The following PDK1 variants were observed in gnomAD, a reference collection of about 807,000 sequenced individuals.
PDK1 encodes the protein pyruvate dehydrogenase kinase 1.
PDK1 carries 39 observed loss-of-function variants against 54.2 expected under a neutral mutation model. The observed-to-expected ratio is 0.72, with a 90% CI of 0.56 to 0.94. The LOEUF (loss-of-function observed/expected upper bound fraction) is 0.94, where lower values mean the gene tolerates loss of function less well. Ranked by LOEUF, PDK1 falls within the 40% of genes least tolerant of loss-of-function variation. The probability of loss-of-function intolerance (pLI) is 0.00; values close to 1 mark genes in which losing one functional copy is unlikely to be tolerated. For synonymous variants in PDK1, 221 were observed against 207.1 expected, an observed-to-expected ratio of 1.07 and a Z score of -0.58; for missense variants, 552 against 566.0, an observed-to-expected ratio of 0.98 and a Z score of 0.25.
At chr2:172,565,455 C>T (rs1410871126) in intron 5 of PDK1, among the ~76,000 whole-genome samples, 2 of 152,152 alleles carry the variant, frequency 1.3e-5, no homozygotes, top group African/African-American at 4.8e-5. Context: ...AGATGCTCAA[C>T]ACTACGCCTG....
At position 172,606,747 on chromosome 2, in the gene PDK1, A is replaced by C. The variant is rs1383408806; in HGVS notation, c.*10778A>C. ...TTCTTTCCTTTTTTTTTTAAAAAAAAAAAAAAACCTTTTTCATGTTGAAGT... is the reference window on the plus strand; with the variant it reads ...TTCTTTCCTTTTTTTTTTAAAAAAACAAAAAAACCTTTTTCATGTTGAAGT... On this transcript the variant is annotated 3_prime_UTR_variant, in exon 11 of 11. Coordinates refer to ENST00000282077, the MANE Select transcript of PDK1 (RefSeq NM_002610.5). The C allele has an allele frequency of 6.6e-6, 1 of 151,956 alleles. No homozygotes were observed. Among genetic ancestry groups the C allele is most frequent in the East Asian group, 1.9e-4 (1 of 5,166 alleles). 9.4% of individuals were successfully genotyped at this position (151,956 alleles called of 1,614,324 possible).
chr2:172,570,078 A>G (rs948015803), intron 7 of PDK1, among the ~76,000 whole-genome samples: 1 of 152,168 alleles, frequency 6.6e-6, no homozygotes, highest in African/African-American at 2.4e-5. Flanking sequence ...TTGCTGTGCC[A>G]GGGCCACACA....
rs551980925 is a variant in PDK1, at chr2:172,565,097, C to CA, written c.691+31dup. The CA allele has an allele frequency of 3.4e-4, 445 of 1,322,938 alleles. 3 individuals are homozygous for CA. The highest frequency in any genetic ancestry group is 3.7e-4 in the Middle Eastern group (2 of 5,398). 81.9% of individuals were successfully genotyped at this position (1,322,938 alleles called of 1,614,324 possible). A position where few individuals can be genotyped will look rare whatever the true frequency, so the allele number is the denominator to read the frequency against. On this transcript the variant is annotated intron_variant, in intron 5 of 10. Coordinates refer to ENST00000282077, the MANE Select transcript of PDK1 (RefSeq NM_002610.5). Reference sequence around the variant, plus strand: ...AGGTAAATACTGACATTTCTCCTTGCAAAAAAAGATACAAAAATCAAAATT... The same window carrying CA: ...AGGTAAATACTGACATTTCTCCTTGCAAAAAAAAGATACAAAAATCAAAATT...
the PDK1 span, among the ~76,000 whole-genome samples, chr2:172,683,452 G>A: frequency 6.6e-6 from 1 of 152,148 alleles, no homozygotes; most frequent in Non-Finnish European, 1.5e-5. Flanking sequence ...TTCTGGGGAG[G>A]CCTCAGGAAG....
chr2:172,671,087 G>C, the PDK1 span, among the ~76,000 whole-genome samples: 131 of 150,644 alleles, frequency 8.7e-4, no homozygotes, highest in Non-Finnish European at 1.7e-3. Context: ...CCGTGTTTTG[G>C]GTGTCTTTTT....
rs192296251 is a variant in PDK1, at chr2:172,564,345, G to A, written c.411-158G>A. The stretch of plus-strand genomic sequence containing the variant: ...CTTTCATAGATTTGGTATATTTTAT[G>A]ATCTGAAATACATTTAAATAAGTAT... On this transcript the variant is annotated intron_variant, in intron 3 of 10. Transcript: ENST00000282077. 6.4e-3 allele frequency among the ~76,000 whole-genome samples: 980 copies of A among 152,292 alleles called. 8 individuals are homozygous for A. The highest frequency in any genetic ancestry group is 9.0e-3 in the Non-Finnish European group (614 of 68,026).
the PDK1 span, among the ~76,000 whole-genome samples, chr2:172,661,929 T>G: frequency 1.3e-5 from 2 of 152,200 alleles, no homozygotes; most frequent in African/African-American, 2.4e-5. Flanking sequence ...GTAACAAACC[T>G]GCGTTTGTAC....
Position 172,596,265 on chromosome 2 carries a change from A to G in PDK1, c.*296A>G, listed in dbSNP as rs1305813685. 5 of 210,458 alleles carry G rather than the reference A, an allele frequency of 2.4e-5. No homozygotes were observed. Among genetic ancestry groups the G allele is most frequent in the Non-Finnish European group, 3.7e-5 (4 of 108,542 alleles). The allele number at this position is 210,458 out of a possible 1,614,324, so 13.0% of individuals were successfully genotyped here. A position where few individuals can be genotyped will look rare whatever the true frequency, so the allele number is the denominator to read the frequency against. Reference sequence around the variant, plus strand: ...GAAGTGTGGAAATCTTCGGGTTTCTATAGGAAACTAGTTTTTTTTTTTTAA... The same window carrying G: ...GAAGTGTGGAAATCTTCGGGTTTCTGTAGGAAACTAGTTTTTTTTTTTTAA... On this transcript the variant is annotated 3_prime_UTR_variant, in exon 11 of 11. Coordinates refer to ENST00000282077, the MANE Select transcript of PDK1 (RefSeq NM_002610.5).
the PDK1 span, among the ~76,000 whole-genome samples, chr2:172,695,482 C>G: frequency 6.6e-6 from 1 of 152,166 alleles, no homozygotes; most frequent in South Asian, 2.1e-4. Context: ...AATAAATTAC[C>G]TGTGGTGGAC....
chr2:172,714,920 G>A, the PDK1 span, among the ~76,000 whole-genome samples: 3 of 152,050 alleles, frequency 2.0e-5, no homozygotes, highest in South Asian at 2.1e-4. Flanking sequence ...AAACCGATAA[G>A]AGCAAACAGA....
chr2:172,708,089 T>TCCA, the PDK1 span, among the ~76,000 whole-genome samples: 1 of 151,914 alleles, frequency 6.6e-6, no homozygotes, highest in Non-Finnish European at 1.5e-5. Context: ...ATTGCTTGAG[T>TCCA]CCAGGAGTTC....
At chr2:172,686,161 T>G in the PDK1 span, among the ~76,000 whole-genome samples, 1 of 152,216 alleles carries the variant, frequency 6.6e-6, no homozygotes, top group Non-Finnish European at 1.5e-5. Flanking sequence ...TAGTAAAGTC[T>G]CTCAAAGGAT....
the PDK1 span, among the ~76,000 whole-genome samples, chr2:172,658,006 A>G: frequency 6.6e-6 from 1 of 152,156 alleles, no homozygotes; most frequent in Admixed American, 6.5e-5. Flanking sequence ...GAAGCAAGAG[A>G]GAAGGGGAAA....
the PDK1 span, among the ~76,000 whole-genome samples, chr2:172,689,469 T>C: frequency 6.6e-6 from 1 of 152,184 alleles, no homozygotes; most frequent in Non-Finnish European, 1.5e-5. Context: ...AAGCTACCAA[T>C]GACTTTCTTC....
the PDK1 span, among the ~76,000 whole-genome samples, chr2:172,665,154 G>GTTTTTTTTTTTTTTTTTT: frequency 6.7e-6 from 1 of 149,366 alleles, no homozygotes; most frequent in Non-Finnish European, 1.5e-5. Context: ...GCCAAAGAAT[G>GTTTTTTTTTTTTTTTTTT]TTTTTTTTTT....
the PDK1 span, among the ~76,000 whole-genome samples, chr2:172,660,243 C>CTGTTTT: frequency 2.9e-5 from 1 of 34,190 alleles, no homozygotes. Context: ...CTCTCTCTCT[C>CTGTTTT]TCTCTTTTTT....
the PDK1 span, among the ~76,000 whole-genome samples, chr2:172,669,290 G>A: frequency 4.0e-5 from 6 of 151,552 alleles, no homozygotes; most frequent in East Asian, 3.9e-4. Flanking sequence ...CCTGTGATCC[G>A]CCCGCCTTGG....
the PDK1 span, among the ~76,000 whole-genome samples, chr2:172,652,709 C>T: frequency 1.7e-3 from 256 of 152,276 alleles, no homozygotes; most frequent in African/African-American, 5.8e-3. Flanking sequence ...TGAGTGAACT[C>T]CTATTCACAA....
In PDK1 at chr2:172,595,973, C is replaced by G; in HGVS notation, c.*4C>G. The G allele has an allele frequency of 1.2e-6, 2 of 1,604,912 alleles. No homozygotes were observed. The highest frequency in any genetic ancestry group is 1.7e-6 in the Non-Finnish European group (2 of 1,174,532). ...GACGACGTTCCGCAGTGCCTAGACA[C>G]ACTTGGGACATCGGAAAATCCAAAT... On this transcript the variant is annotated 3_prime_UTR_variant, in exon 11 of 11. Coordinates refer to ENST00000282077, the MANE Select transcript of PDK1 (RefSeq NM_002610.5).
Sources: allele counts gnomAD v4.1 joint callset (sites outside exome capture counted in the v4.1 genomes callset), GRCh38; gene constraint gnomAD v4.1.1; transcripts MANE v1.5; gene names NCBI Gene and HGNC (gene_info 2026-07-23, HGNC 2026-07-21).